The following SKOR2 variants were observed in gnomAD, a reference collection of about 807,000 sequenced individuals.
SKOR2 encodes the protein LBX1 corepressor 1-like protein.
In SKOR2, 47 loss-of-function variants were observed where a neutral mutation model predicts 69.1. The observed-to-expected ratio is 0.68, with a 90% CI of 0.54 to 0.87. SKOR2 has a LOEUF of 0.87. Ranked by LOEUF, SKOR2 falls within the 40% of genes least tolerant of loss-of-function variation. SKOR2 has a pLI of 0.00. For synonymous variants in SKOR2, 717 were observed against 672.6 expected (o/e 1.07, Z -1.02); for missense variants, 1,404 against 1,472.2 (o/e 0.95, Z 0.76).
intron 1 of SKOR2, among the ~76,000 whole-genome samples, chr18:47,249,605 C>G (rs1032072214): frequency 6.6e-6 from 1 of 152,146 alleles, no homozygotes; most frequent in Non-Finnish European, 1.5e-5. Context: ...ATAAAAGTTA[C>G]GGAAAACTGG....
At position 47,249,100 on chromosome 18, in the gene SKOR2, C is replaced by T; in HGVS notation, c.84G>A (p.Gln28=). The change falls in exon 2 of 9, where the codon CAG becomes CAA. Residue 28 remains glutamine (Q), a synonymous_variant. Coordinates refer to ENST00000425639, the MANE Select transcript of SKOR2 (RefSeq NM_001278063.4). The part of the protein sequence containing the change: ...SSAFQPDTLS[Q]PRPGHANLKP... The stretch of plus-strand genomic sequence containing the variant: ...TGAGGTTGGCGTGCCCTGGCCGCGG[C>T]TGGCTCAGCGTGTCGGGCTGGAAGG... The T allele has an allele frequency of 6.5e-7, 1 of 1,536,254 alleles. No homozygotes were observed. The highest frequency in any genetic ancestry group is 8.7e-7 in the Non-Finnish European group (1 of 1,146,900).
At chr18:47,233,028 G>A (rs944010329) in intron 4 of SKOR2, among the ~76,000 whole-genome samples, 1 of 152,160 alleles carries the variant, frequency 6.6e-6, no homozygotes, top group Non-Finnish European at 1.5e-5. Context: ...TGATGACTGT[G>A]AGGAGTATGT....
chr18:47,236,721 C>T (rs1222049651), intron 4 of SKOR2, among the ~76,000 whole-genome samples: 1 of 152,170 alleles, frequency 6.6e-6, no homozygotes, highest in Non-Finnish European at 1.5e-5. Flanking sequence ...CTTGGACTTC[C>T]CAGCATCCAG....
chr18:47,240,824 ATATT>A (rs2064245164), intron 4 of SKOR2, among the ~76,000 whole-genome samples: 1 of 152,216 alleles, frequency 6.6e-6, no homozygotes. Context: ...CTGGTTAACT[ATATT>A]TATGGTTGCC....
intron 1 of SKOR2, among the ~76,000 whole-genome samples, chr18:47,250,975 GC>G (rs1166518798): frequency 1.3e-5 from 2 of 152,128 alleles, no homozygotes; most frequent in African/African-American, 4.8e-5. Flanking sequence ...CGGCTGGCCA[GC>G]CGGGGCGGGA....
At chr18:47,220,607 C>T (rs1273778654) in intron 6 of SKOR2, among the ~76,000 whole-genome samples, 1 of 152,120 alleles carries the variant, frequency 6.6e-6, no homozygotes, top group African/African-American at 2.4e-5. Context: ...ACAGACCTTA[C>T]CTTAATCTGA....
At chr18:47,220,573 C>T (rs2064158259) in intron 6 of SKOR2, among the ~76,000 whole-genome samples, 1 of 152,152 alleles carries the variant, frequency 6.6e-6, no homozygotes, top group African/African-American at 2.4e-5. Context: ...ATTTTATGTT[C>T]CTGCTTTGTC....
chr18:47,232,897 A>G (rs1389407759), intron 4 of SKOR2, among the ~76,000 whole-genome samples: 1 of 152,210 alleles, frequency 6.6e-6, no homozygotes, highest in African/African-American at 2.4e-5. Context: ...TGCTGAGGTA[A>G]AAATTTCTGC....
At position 47,235,364 on chromosome 18, in the gene SKOR2, A is replaced by G. The variant is rs71352643; in HGVS notation, c.2753-4364T>C. On this transcript the variant is annotated intron_variant, in intron 4 of 8. Transcript: ENST00000425639. ...GACAGAGTGAGACCCTGACTTAAAT[A>G]CAAAAAAGAAGAAGAAAAGAAAAAG... Among the ~76,000 whole-genome samples the G allele has an allele frequency of 2.0e-5, 3 of 152,246 alleles. No homozygotes were observed. The South Asian group carries it at 6.2e-4, about 32-fold the overall frequency.
intron 6 of SKOR2, among the ~76,000 whole-genome samples, chr18:47,225,926 TAC>T (rs2064177267): frequency 6.6e-6 from 1 of 152,168 alleles, no homozygotes; most frequent in Non-Finnish European, 1.5e-5. Flanking sequence ...TATACCATGA[TAC>T]ACAGTGCAAA....
chr18:47,216,544 C>T lies in SKOR2; in HGVS notation c.2985+3399G>A, dbSNP rs140166551. On this transcript the variant is annotated intron_variant, in intron 7 of 8. Transcript: ENST00000425639. Reference sequence around the variant, plus strand: ...AGTCATCACAACTTTACATTTAACACGGGAAAAAGAAGCAATGGTGCAGAA... The same window carrying T: ...AGTCATCACAACTTTACATTTAACATGGGAAAAAGAAGCAATGGTGCAGAA... Among the ~76,000 whole-genome samples, 338 of 152,052 alleles carry T rather than the reference C, an allele frequency of 2.2e-3. 1 individual carries two copies. The highest frequency in any genetic ancestry group is 7.7e-3 in the African/African-American group (319 of 41,480).
chr18:47,223,374 G>A (rs72913166), intron 6 of SKOR2, among the ~76,000 whole-genome samples: 1,881 of 152,282 alleles, frequency 0.012, 26 homozygotes, highest in Non-Finnish European at 0.019. Context: ...ATGAAGAGAT[G>A]ATACATGCTG....
At chr18:47,238,524 T>G (rs1305157786) in intron 4 of SKOR2, among the ~76,000 whole-genome samples, 3 of 152,024 alleles carry the variant, frequency 2.0e-5, no homozygotes, top group African/African-American at 7.3e-5. Context: ...GGTTTTACCT[T>G]GTTGGCCAGG....
intron 7 of SKOR2, among the ~76,000 whole-genome samples, chr18:47,215,840 T>C (rs1315887252): frequency 6.6e-6 from 1 of 152,192 alleles, no homozygotes. Flanking sequence ...TATCATGTGC[T>C]CTGTGTTGCA....
chr18:47,235,896 G>C (rs1167053095), intron 4 of SKOR2, among the ~76,000 whole-genome samples: 3 of 151,558 alleles, frequency 2.0e-5, no homozygotes, highest in Non-Finnish European at 2.9e-5. Context: ...AACCTGCAAT[G>C]GCTCCCTATG....
intron 6 of SKOR2, among the ~76,000 whole-genome samples, chr18:47,222,767 T>C (rs1321275763): frequency 6.6e-6 from 1 of 152,202 alleles, no homozygotes; most frequent in East Asian, 1.9e-4. Flanking sequence ...GCTGGAGCAC[T>C]TCCCTGGGAT....
chr18:47,247,800 C>T lies in SKOR2; in HGVS notation c.1384G>A (p.Ala462Thr). ...AACATGCAGAAGGGCGGATAGAAGG[C>T]GTCCTTGCGGCCCGCGGGCCAGAAG... Reference protein sequence around the residue: ...GLFWPAGRKDAFYPPFCMFWP... With the variant: ...GLFWPAGRKDTFYPPFCMFWP... Residue 462 changes from alanine (A) to threonine (T), a missense_variant, in exon 2 of 9, where the codon GCC (alanine) becomes ACC (threonine). Ala to Thr is a moderately conservative substitution (Grantham distance 58). This residue lies in a region of SKOR2 where 1,266 missense variants were observed against 1,309.9 expected (regional missense o/e 0.97). Transcript: ENST00000425639. The surrounding 1 kb of genome is among the most constrained non-coding windows in gnomAD (Gnocchi z 6.6). 7.2e-7 allele frequency: 1 copy of T among 1,397,828 alleles called. No individual in the cohort carries two copies. Among genetic ancestry groups the T allele is most frequent in the Non-Finnish European group, 9.2e-7 (1 of 1,083,604 alleles). 86.6% of individuals were successfully genotyped at this position (1,397,828 alleles called of 1,614,324 possible).
At chr18:47,243,429 T>C (rs1179400481) in intron 4 of SKOR2, among the ~76,000 whole-genome samples, 3 of 152,214 alleles carry the variant, frequency 2.0e-5, no homozygotes, top group Non-Finnish European at 4.4e-5. Flanking sequence ...TTTCTACACA[T>C]ATCAAACAAA....
intron 6 of SKOR2, among the ~76,000 whole-genome samples, chr18:47,225,598 C>A (rs1172850246): frequency 6.6e-6 from 1 of 152,020 alleles, no homozygotes; most frequent in African/African-American, 2.4e-5. Flanking sequence ...ACGAGTGAAA[C>A]AGAGGAGGAG....
Sources: allele counts gnomAD v4.1 joint callset (sites outside exome capture counted in the v4.1 genomes callset), GRCh38; gene constraint gnomAD v4.1.1; regional missense constraint gnomAD v4.1.1; non-coding constraint Gnocchi (gnomAD v3.1); transcripts MANE v1.5; gene names NCBI Gene and HGNC (gene_info 2026-07-23, HGNC 2026-07-21).